The following CYB5B variants were observed in gnomAD, a reference collection of about 807,000 sequenced individuals.
CYB5B encodes the protein cytochrome b5 type B, also known as cytochrome b5 type B (outer mitochondrial membrane).
In CYB5B, 14 loss-of-function variants were observed where a neutral mutation model predicts 21.3. The ratio of observed to expected loss-of-function variants is 0.66; its 90% CI spans 0.43 to 1.03. The LOEUF (loss-of-function observed/expected upper bound fraction) is 1.03, where lower values mean the gene tolerates loss of function less well. Among genes scored for constraint, CYB5B ranks in the 50% least tolerant of loss-of-function variants. The pLI, the probability that CYB5B is intolerant of heterozygous loss-of-function variation, is 0.00. For synonymous variants in CYB5B, 69 were observed against 68.4 expected, an observed-to-expected ratio of 1.01 and a Z score of -0.04; for missense variants, 166 against 185.1, an observed-to-expected ratio of 0.90 and a Z score of 0.60.
At chr16:69,435,641 AATTT>A (rs2014752305) in intron 1 of CYB5B, among the ~76,000 whole-genome samples, 1 of 152,040 alleles carries the variant, frequency 6.6e-6, no homozygotes, top group African/African-American at 2.4e-5. Flanking sequence ...TTAATTAATT[AATTT>A]ATTTGTTTTT....
At chr16:69,439,364 T>C (rs246132) in intron 1 of CYB5B, among the ~76,000 whole-genome samples, 129,489 of 151,968 alleles carry the variant, frequency 0.85, 55,558 homozygotes, top group African/African-American at 0.95. Context: ...GTGCCCGCCA[T>C]CAGGCCCAGC....
chr16:69,447,742 C>G (rs957883398), intron 2 of CYB5B, among the ~76,000 whole-genome samples: 15 of 152,008 alleles, frequency 9.9e-5, no homozygotes, highest in Admixed American at 8.5e-4. Flanking sequence ...TAGGATATAG[C>G]TTCTTCTTTG....
intron 1 of CYB5B, chr16:69,443,250 T>G (rs1471175136): frequency 6.5e-6 from 1 of 153,010 alleles, no homozygotes; most frequent in Admixed American, 6.5e-5. Flanking sequence ...AACTCCTTTT[T>G]GAACATAACT....
At chr16:69,452,496 C>T (rs926036261) in intron 3 of CYB5B, among the ~76,000 whole-genome samples, 1 of 151,866 alleles carries the variant, frequency 6.6e-6, no homozygotes, top group Non-Finnish European at 1.5e-5. Context: ...GCCCGGCCAA[C>T]ATGGCGAAAC....
At position 69,464,461 on chromosome 16, in the gene CYB5B, A is replaced by G. The variant is rs1338195459; in HGVS notation, c.*1941A>G. On this transcript the variant is annotated 3_prime_UTR_variant, in exon 5 of 5. Coordinates refer to ENST00000307892, the MANE Select transcript of CYB5B (RefSeq NM_030579.3). ...TATTTAAAGGCAAGGAAGGATTGGT[A>G]TATGATTGCCTGTAATAAATAAATT... 1.3e-5 allele frequency: 2 copies of G among 152,230 alleles called. No individual in the cohort carries two copies. Among genetic ancestry groups the G allele is most frequent in the Admixed American group, 1.3e-4 (2 of 15,284 alleles). The allele number at this position is 152,230 out of a possible 1,614,324, so 9.4% of individuals were successfully genotyped here.
rs761436691 is a variant in CYB5B, at chr16:69,462,529, T to C, written c.*9T>C. On this transcript the variant is annotated 3_prime_UTR_variant, in exon 5 of 5. Coordinates refer to ENST00000307892, the MANE Select transcript of CYB5B (RefSeq NM_030579.3). Reference sequence around the variant, plus strand: ...AAAGCAAATCCTCCTGAGGAGGCCTTGCTGAAGTTAGAAAGTGCATCCACT... The same window carrying C: ...AAAGCAAATCCTCCTGAGGAGGCCTCGCTGAAGTTAGAAAGTGCATCCACT... 6.2e-7 allele frequency: 1 copy of C among 1,612,312 alleles called. No homozygotes were observed. The highest frequency in any genetic ancestry group is 1.1e-5 in the South Asian group (1 of 91,034).
intron 3 of CYB5B, among the ~76,000 whole-genome samples, chr16:69,454,470 C>T (rs1319531685): frequency 6.6e-6 from 1 of 152,196 alleles, no homozygotes; most frequent in African/African-American, 2.4e-5. Flanking sequence ...CATATACCTT[C>T]AATACTCAAA....
intron 3 of CYB5B, among the ~76,000 whole-genome samples, chr16:69,455,015 T>G (rs1429221411): frequency 1.3e-5 from 2 of 152,160 alleles, no homozygotes; most frequent in Admixed American, 1.3e-4. Context: ...TGCCTCAGCC[T>G]CTCAAGTAGC....
At chr16:69,458,365 C>A (rs2015001844) in intron 3 of CYB5B, among the ~76,000 whole-genome samples, 1 of 152,104 alleles carries the variant, frequency 6.6e-6, no homozygotes, top group Non-Finnish European at 1.5e-5. Context: ...TATTGATTGT[C>A]CTGTTGTGAA....
At chr16:69,441,526 T>G (rs1386045588) in intron 1 of CYB5B, among the ~76,000 whole-genome samples, 1 of 152,230 alleles carries the variant, frequency 6.6e-6, no homozygotes, top group African/African-American at 2.4e-5. Context: ...CATTTCTTCT[T>G]GATTACAGTG....
Position 69,459,084 on chromosome 16 carries a change from T to A in CYB5B, c.334-9T>A. The A allele has an allele frequency of 6.3e-7, 1 of 1,588,642 alleles. No individual in the cohort carries two copies. Among genetic ancestry groups the A allele is most frequent in the Non-Finnish European group, 8.5e-7 (1 of 1,172,028 alleles). ...GTTATTTTTGAATTTTTTTTTTTTT[T>A]TATTTCAGGACCCTTCAAAAAATGA... is the stretch of plus-strand genomic sequence containing the variant. On this transcript the variant is annotated splice_polypyrimidine_tract_variant and intron_variant, in intron 3 of 4. Coordinates refer to ENST00000307892, the MANE Select transcript of CYB5B (RefSeq NM_030579.3).
chr16:69,445,497 A>G (rs2014868801), intron 1 of CYB5B, among the ~76,000 whole-genome samples: 1 of 152,228 alleles, frequency 6.6e-6, no homozygotes, highest in Non-Finnish European at 1.5e-5. Flanking sequence ...GGTTGTTATA[A>G]AAAGTAAAAA....
At position 69,463,329 on chromosome 16, in the gene CYB5B, C is replaced by T. The variant is rs1597289197; in HGVS notation, c.*809C>T. ...AAAAAACTACATGGCCCTTTCGTGT[C>T]TTGGGGGTGGAAAGGTAGGGATGAA... On this transcript the variant is annotated 3_prime_UTR_variant, in exon 5 of 5. Coordinates refer to ENST00000307892, the MANE Select transcript of CYB5B (RefSeq NM_030579.3). 2 of 152,114 alleles carry T rather than the reference C, an allele frequency of 1.3e-5. No homozygotes were observed. Among genetic ancestry groups the T allele is most frequent in the South Asian group, 4.2e-4 (2 of 4,804 alleles). The allele number at this position is 152,114 out of a possible 1,614,324, so 9.4% of individuals were successfully genotyped here. A position where few individuals can be genotyped will look rare whatever the true frequency, so the allele number is the denominator to read the frequency against.
At chr16:69,447,690 A>G (rs1362673926) in intron 2 of CYB5B, among the ~76,000 whole-genome samples, 1 of 152,076 alleles carries the variant, frequency 6.6e-6, no homozygotes, top group Admixed American at 6.6e-5. Context: ...CAATCTAGCC[A>G]TCAGGCTAAA....
rs537334145 is a variant in CYB5B at position 69,463,653 on chromosome 16, C to T, written c.*1133C>T. The T allele has an allele frequency of 5.3e-5, 8 of 152,196 alleles. No individual in the cohort carries two copies. Among genetic ancestry groups the T allele is most frequent in the South Asian group, 2.1e-4 (1 of 4,824 alleles). The allele number at this position is 152,196 out of a possible 1,614,324, so 9.4% of individuals were successfully genotyped here. A position where few individuals can be genotyped will look rare whatever the true frequency, so the allele number is the denominator to read the frequency against. On this transcript the variant is annotated 3_prime_UTR_variant, in exon 5 of 5. Coordinates refer to ENST00000307892, the MANE Select transcript of CYB5B (RefSeq NM_030579.3). Reference sequence around the variant, plus strand: ...CTCCAGCATGGCCTTCTGTTTGCCCCGCAGTAAAGTAACTTCCATATAAAA... The same window carrying T: ...CTCCAGCATGGCCTTCTGTTTGCCCTGCAGTAAAGTAACTTCCATATAAAA...
intron 1 of CYB5B, 78 bp downstream of exon 1, chr16:69,424,935 G>A: frequency 1.5e-6 from 2 of 1,367,728 alleles, no homozygotes; most frequent in Non-Finnish European, 1.9e-6. Flanking sequence ...TATGTGGGAA[G>A]GAAGGGAGGC....
chr16:69,438,087 C>T (rs2014779486), intron 1 of CYB5B, among the ~76,000 whole-genome samples: 1 of 152,124 alleles, frequency 6.6e-6, no homozygotes, highest in South Asian at 2.1e-4. Flanking sequence ...TTCCCAGCCT[C>T]TGGTAATCAC....
intron 3 of CYB5B, among the ~76,000 whole-genome samples, chr16:69,457,662 A>G (rs938525197): frequency 6.6e-6 from 1 of 152,192 alleles, no homozygotes; most frequent in African/African-American, 2.4e-5. Flanking sequence ...AATTAATCGG[A>G]TCCTTACTAG....
At chr16:69,426,629 T>C (rs246140) in intron 1 of CYB5B, among the ~76,000 whole-genome samples, 126,449 of 148,320 alleles carry the variant, frequency 0.85, 54,166 homozygotes, top group African/African-American at 0.95. Context: ...CACTTGAACC[T>C]GGGAGGCGGA....
Sources: allele counts gnomAD v4.1 joint callset (sites outside exome capture counted in the v4.1 genomes callset), GRCh38; gene constraint gnomAD v4.1.1; transcripts MANE v1.5; gene names NCBI Gene and HGNC (gene_info 2026-07-23, HGNC 2026-07-21).